The following LRRK2 variants were observed in gnomAD, a reference collection of about 807,000 sequenced individuals.
LRRK2 encodes the protein leucine rich repeat kinase 2, also known as leucine-rich repeat serine/threonine-protein kinase 2.
In LRRK2, 203 loss-of-function variants were observed where a neutral mutation model predicts 302.6. That is an observed-to-expected ratio of 0.67 (90% confidence interval 0.60 to 0.75). The LOEUF (loss-of-function observed/expected upper bound fraction) is 0.75. LRRK2 is among the 30% of genes least tolerant of loss of function. LRRK2 has a pLI of 0.00. For missense variants in LRRK2, 2,830 were observed against 2,951.0 expected (o/e 0.96, Z 0.95); for synonymous variants, 1,066 against 1,031.9 (o/e 1.03, Z -0.63).
At chr12:40,327,753 A>T (rs1406501821) in intron 38 of LRRK2, among the ~76,000 whole-genome samples, 1 of 152,158 alleles carries the variant, frequency 6.6e-6, no homozygotes, top group African/African-American at 2.4e-5. Context: ...AGGCCACCAA[A>T]TGGGTGTGGT....
intron 40 of LRRK2, among the ~76,000 whole-genome samples, chr12:40,337,970 C>G (rs1043731455): frequency 1.3e-5 from 2 of 152,208 alleles, no homozygotes; most frequent in African/African-American, 4.8e-5. Context: ...CAAACCATCT[C>G]TACTATGAAG....
chr12:40,290,661 G>C (rs1944109855), intron 20 of LRRK2, among the ~76,000 whole-genome samples: 1 of 151,908 alleles, frequency 6.6e-6, no homozygotes, highest in South Asian at 2.1e-4. Context: ...CATATAAGTT[G>C]CCAAATTTAT....
At chr12:40,284,262 T>C in intron 19 of LRRK2, 129 bp downstream of exon 19, 1 of 41,502 alleles carries the variant, frequency 2.4e-5, no homozygotes, top group Non-Finnish European at 3.8e-5. Context: ...AAGGTTTGGA[T>C]TTTTTTTTTT....
Position 40,322,468 on chromosome 12 carries a change from CA to C in LRRK2, c.5473del (p.Ile1825SerfsTer6). 2.5e-6 allele frequency: 4 copies of C among 1,613,084 alleles called. No homozygotes were observed. Among genetic ancestry groups the C allele is most frequent in the Non-Finnish European group, 3.4e-6 (4 of 1,179,316 alleles). The part of the protein sequence containing the change: ...LYSFNDGEEH[Q>X]KILLDDLMKK... The stretch of plus-strand genomic sequence containing the variant: ...TAGTTTTAATGATGGTGAAGAACAT[CA>C]AAAAATCTTACTTGATGACTTGATG... On this transcript the variant is annotated frameshift_variant, in exon 37 of 51. Coordinates refer to ENST00000298910, the MANE Select transcript of LRRK2 (RefSeq NM_198578.4). LOFTEE classifies it high-confidence loss of function.
At chr12:40,310,756 T>C in intron 31 of LRRK2, 107 bp downstream of exon 31, 1 of 1,090,752 alleles carries the variant, frequency 9.2e-7, no homozygotes, top group Non-Finnish European at 1.4e-6. Context: ...TGGGTTTTCT[T>C]TCCTTGTTGC....
At chr12:40,301,293 G>C (rs10878340) in intron 25 of LRRK2, among the ~76,000 whole-genome samples, 9 of 151,822 alleles carry the variant, frequency 5.9e-5, no homozygotes, top group Admixed American at 5.9e-4. Context: ...GTGTGGTGGC[G>C]TGTGACTATA....
chr12:40,274,693 G>A lies in LRRK2; in HGVS notation c.1767G>A (p.Val589=). Residue 589 remains valine, a synonymous_variant, in exon 15 of 51, where the codon GTG becomes GTA. Transcript: ENST00000298910. The part of the protein sequence containing the change: ...MLSLEGAMDS[V]LHTLQMYPDD... ...CCCTGGAAGGTGCTATGGATTCAGTGCTTCACACACTGCAGATGTATCCAG... is the reference window on the plus strand; with the variant it reads ...CCCTGGAAGGTGCTATGGATTCAGTACTTCACACACTGCAGATGTATCCAG... 6.2e-7 allele frequency: 1 copy of A among 1,614,026 alleles called. No individual in the cohort carries two copies. Among genetic ancestry groups the A allele is most frequent in the Non-Finnish European group, 8.5e-7 (1 of 1,179,958 alleles).
chr12:40,356,497 AAAAAC>A, intron 46 of LRRK2, among the ~76,000 whole-genome samples: 1 of 152,348 alleles, frequency 6.6e-6, no homozygotes, highest in South Asian at 2.1e-4. Flanking sequence ...ATTGTGGAAA[AAAAAC>A]AAAAATATAC....
intron 4 of LRRK2, among the ~76,000 whole-genome samples, chr12:40,237,211 G>A (rs934215158): frequency 2.0e-5 from 3 of 152,122 alleles, no homozygotes; most frequent in Admixed American, 6.6e-5. Flanking sequence ...TACTATAGTC[G>A]GTTGTGTGAA....
In LRRK2 at chr12:40,274,476, A is replaced by G. The variant is rs1048589060; in HGVS notation, c.1657-107A>G. ...ATAGAAAACAAAATCAAGGATACTG[A>G]TTTATATTTGGATTACTTGATTTAT... On this transcript the variant is annotated intron_variant, in intron 14 of 50. Coordinates refer to ENST00000298910, the MANE Select transcript of LRRK2 (RefSeq NM_198578.4). 16 of 1,175,004 alleles carry G rather than the reference A, an allele frequency of 1.4e-5. 1 individual carries two copies. The African/African-American group carries it at 2.3e-4, about 17-fold the overall frequency. 72.8% of individuals were successfully genotyped at this position (1,175,004 alleles called of 1,614,324 possible). A position where few individuals can be genotyped will look rare whatever the true frequency, so the allele number is the denominator to read the frequency against.
In LRRK2 at chr12:40,225,011, G is replaced by T. The variant is rs199955454; in HGVS notation, c.-121G>T. ...TGGGCGCCGATGGGGCCCGCGGGGA[G>T]CGCTGGCTGCGGGCGGTGAGCTGAG... On this transcript the variant is annotated 5_prime_UTR_variant, in exon 1 of 51. Coordinates refer to ENST00000298910, the MANE Select transcript of LRRK2 (RefSeq NM_198578.4). The T allele has an allele frequency of 1.4e-4, 185 of 1,332,134 alleles. 2 individuals are homozygous for T. In the South Asian group the frequency reaches 2.2e-3, roughly 16 times the overall value. The allele number at this position is 1,332,134 out of a possible 1,614,324, so 82.5% of individuals were successfully genotyped here. A position where few individuals can be genotyped will look rare whatever the true frequency, so the allele number is the denominator to read the frequency against.
intron 39 of LRRK2, among the ~76,000 whole-genome samples, chr12:40,328,733 A>T (rs1288420308): frequency 6.6e-6 from 1 of 152,140 alleles, no homozygotes; most frequent in African/African-American, 2.4e-5. Flanking sequence ...TCCTCTTTTT[A>T]CTTTAGAACC....
chr12:40,298,651 T>C (rs1944473299), intron 24 of LRRK2, among the ~76,000 whole-genome samples, 158 bp downstream of exon 24: 1 of 150,322 alleles, frequency 6.7e-6, no homozygotes, highest in Admixed American at 6.7e-5. Context: ...GCGCACCTTA[T>C]AATCCCAGCT....
chr12:40,278,164 G>T lies in LRRK2; in HGVS notation c.2144G>T (p.Arg715Ile), dbSNP rs1049838572. Residue 715 changes from arginine (R) to isoleucine (I), a missense_variant, in exon 18 of 51, where the codon AGA (arginine) becomes ATA (isoleucine). Physicochemically the swap from Arg to Ile is moderately conservative, Grantham distance 97. Around this residue, in one of 3 missense-constraint regions of LRRK2, gnomAD observed 2,121 missense variants for 2,148.0 expected, o/e 0.99. Coordinates refer to ENST00000298910, the MANE Select transcript of LRRK2 (RefSeq NM_198578.4). ...TACTTAAAAAATGTGATGCTAGAGA[G>T]AGCGTGTGATCAGAATAACAGCATC... ...DDYLKNVMLE[R>I]ACDQNNSIMV... The T allele has an allele frequency of 6.2e-7, 1 of 1,613,982 alleles. No individual in the cohort carries two copies. The highest frequency in any genetic ancestry group is 8.5e-7 in the Non-Finnish European group (1 of 1,180,010).
At position 40,320,927 on chromosome 12, in the gene LRRK2, A is replaced by G. The variant is rs76105269; in HGVS notation, c.5016-107A>G. The G allele has an allele frequency of 5.6e-5, 74 of 1,329,400 alleles. 1 individual carries two copies. Among genetic ancestry groups the G allele is most frequent in the Admixed American group, 4.7e-4 (27 of 57,556 alleles). 82.4% of individuals were successfully genotyped at this position (1,329,400 alleles called of 1,614,324 possible). ...GAAACAATGTTACAAAAAGATTACA[A>G]TTGTTTGGAATGATTACCTTCATTG... On this transcript the variant is annotated intron_variant, in intron 34 of 50. Transcript: ENST00000298910.
intron 3 of LRRK2, 190 bp downstream of exon 3, chr12:40,232,573 G>A (rs909500545): frequency 1.8e-6 from 1 of 543,432 alleles, no homozygotes; most frequent in African/African-American, 1.9e-5. Flanking sequence ...GATTTAGAAA[G>A]CAAACATTTA....
At chr12:40,301,083 CTTG>C (rs1395559011) in intron 25 of LRRK2, 3 of 457,184 alleles carry the variant, frequency 6.6e-6, no homozygotes, top group South Asian at 3.1e-5. Flanking sequence ...AATTAATTAT[CTTG>C]TTGTGAAAGT....
intron 39 of LRRK2, among the ~76,000 whole-genome samples, chr12:40,329,754 T>A (rs2136920075): frequency 6.6e-6 from 1 of 152,268 alleles, no homozygotes; most frequent in Middle Eastern, 3.4e-3. Context: ...AAAATTTGTT[T>A]TTAGAGATGG....
At position 40,251,544 on chromosome 12, in the gene LRRK2, A is replaced by G. The variant is rs1316655510; in HGVS notation, c.1181A>G (p.His394Arg). Reference sequence around the variant, plus strand: ...GAGAAGATTGGAGATGAAGATGGCCAGTTAGTAGTTTTGATTTTATATGAT... The same window carrying G: ...GAGAAGATTGGAGATGAAGATGGCCGGTTAGTAGTTTTGATTTTATATGAT... ...LHEKIGDEDG[H>R]FPAHREVMLS... is the part of the protein sequence containing the mutation. The change falls in exon 10 of 51, where the codon CAT becomes CGT. Residue 394 changes from histidine (H) to arginine (R), a missense_variant and splice_region_variant. By Grantham distance (29) the His-to-Arg change is conservative (BLOSUM62 0). This residue lies in a region of LRRK2 where 2,121 missense variants were observed against 2,148.0 expected (regional missense o/e 0.99). Coordinates refer to ENST00000298910, the MANE Select transcript of LRRK2 (RefSeq NM_198578.4). 1 of 1,608,272 alleles carries G rather than the reference A, an allele frequency of 6.2e-7. No individual in the cohort carries two copies. Among genetic ancestry groups the G allele is most frequent in the Non-Finnish European group, 8.5e-7 (1 of 1,176,176 alleles).
Sources: gnomAD v4.1 joint callset for allele counts (sites outside exome capture counted in the v4.1 genomes callset) on GRCh38, gnomAD v4.1.1 for gene constraint, gnomAD v4.1.1 regional missense constraint, MANE v1.5 for transcripts, NCBI Gene and HGNC (gene_info 2026-07-23, HGNC 2026-07-21) for gene names.